MON2: variants seen among roughly 807,000 people sequenced by gnomAD.
MON2 encodes the protein MON2 regulator of endosome-to-Golgi trafficking.
A neutral mutation model predicts 208.6 loss-of-function variants in MON2; 84 were observed. The observed-to-expected ratio is 0.40, with a 90% CI of 0.34 to 0.48. MON2 has a LOEUF of 0.48. Among genes scored for constraint, MON2 ranks in the 20% least tolerant of loss-of-function variants. The probability of loss-of-function intolerance (pLI) is 0.59; values close to 1 mark genes in which losing one functional copy is unlikely to be tolerated. For synonymous variants in MON2, 660 were observed against 694.0 expected (o/e 0.95, Z 0.77); for missense variants, 1,611 against 2,015.4 (o/e 0.80, Z 3.84).
At chr12:62,479,911 AT>A (rs1226925218) in intron 1 of MON2, among the ~76,000 whole-genome samples, 7 of 152,082 alleles carry the variant, frequency 4.6e-5, no homozygotes, top group South Asian at 2.1e-4. Context: ...GAAGCTAACA[AT>A]TTTTTTTCAC....
chr12:62,535,543 T>C lies in MON2; in HGVS notation c.1734T>C (p.Thr578=). 6.2e-7 allele frequency: 1 copy of C among 1,607,106 alleles called. No homozygotes were observed. The highest frequency in any genetic ancestry group is 8.5e-7 in the Non-Finnish European group (1 of 1,177,808). ...TTTTCAGCACAGATGAAGCTGCCAC[T>C]GAGAATATTTTAAAAGCTGAACTGA... ...LLDASTDEAA[T]ENILKAELTM... Residue 578 remains threonine, a synonymous_variant, in exon 14 of 35, where the codon ACT becomes ACC. Coordinates refer to ENST00000393630, the MANE Select transcript of MON2 (RefSeq NM_015026.3).
chr12:62,524,506 T>C lies in MON2; in HGVS notation c.985-9T>C. On this transcript the variant is annotated splice_polypyrimidine_tract_variant and intron_variant, in intron 8 of 34. Coordinates refer to ENST00000393630, the MANE Select transcript of MON2 (RefSeq NM_015026.3). ...CAAAGAAATAGTATTAAAAATCATATATTTTTAGGTAACTGAATGTGAGAT... is the reference window on the plus strand; with the variant it reads ...CAAAGAAATAGTATTAAAAATCATACATTTTTAGGTAACTGAATGTGAGAT... 4 of 1,592,968 alleles carry C rather than the reference T, an allele frequency of 2.5e-6. No homozygotes were observed. The highest frequency in any genetic ancestry group is 3.4e-6 in the Non-Finnish European group (4 of 1,161,894).
chr12:62,580,287 T>C lies in MON2; in HGVS notation c.4576-10T>C. The stretch of plus-strand genomic sequence containing the variant: ...AAACAATACATTTGCATTTGCCTCT[T>C]TTGTTTTAGGTAGTTCAACTTATCA... On this transcript the variant is annotated splice_polypyrimidine_tract_variant and intron_variant, in intron 31 of 34. Coordinates refer to ENST00000393630, the MANE Select transcript of MON2 (RefSeq NM_015026.3). 1 of 1,604,504 alleles carries C rather than the reference T, an allele frequency of 6.2e-7. No individual in the cohort carries two copies. Among genetic ancestry groups the C allele is most frequent in the South Asian group, 1.1e-5 (1 of 88,778 alleles).
intron 34 of MON2, among the ~76,000 whole-genome samples, chr12:62,589,790 A>G (rs1415250768): frequency 6.6e-6 from 1 of 151,898 alleles, no homozygotes; most frequent in Middle Eastern, 3.2e-3. Context: ...ATAAAGGGAG[A>G]AAAGGAAGCA....
In MON2 at chr12:62,549,697, G is replaced by A; in HGVS notation, c.2783G>A (p.Cys928Tyr). The A allele has an allele frequency of 6.2e-7, 1 of 1,609,866 alleles. No individual in the cohort carries two copies. The highest frequency in any genetic ancestry group is 8.5e-7 in the Non-Finnish European group (1 of 1,178,700). The change falls in exon 23 of 35, where the codon TGT becomes TAT. Residue 928 changes from cysteine to tyrosine, a missense_variant. Physicochemically the swap from Cys to Tyr is radical, Grantham distance 194 (BLOSUM62 -2). Transcript: ENST00000393630. ...GESLIRTAFQ[C>Y]LQLVVTDFLP... Reference sequence around the variant, plus strand: ...TCCTTGATACGAACTGCATTCCAGTGTCTTCAGTTGGTTGTGACAGATTTT... The same window carrying A: ...TCCTTGATACGAACTGCATTCCAGTATCTTCAGTTGGTTGTGACAGATTTT...
chr12:62,575,663 G>A (rs960385595), intron 30 of MON2, among the ~76,000 whole-genome samples: 2 of 152,158 alleles, frequency 1.3e-5, no homozygotes, highest in African/African-American at 4.8e-5. Context: ...TCTGCAAGAT[G>A]CTTTGGCAAG....
intron 8 of MON2, among the ~76,000 whole-genome samples, chr12:62,512,433 T>G (rs183131581): frequency 3.3e-5 from 5 of 152,244 alleles, no homozygotes; most frequent in Non-Finnish European, 7.4e-5. Flanking sequence ...CCCATGCAAG[T>G]CCGAAATTCA....
intron 30 of MON2, among the ~76,000 whole-genome samples, chr12:62,576,357 T>G (rs923200121): frequency 2.0e-5 from 3 of 151,928 alleles, no homozygotes; most frequent in Non-Finnish European, 4.4e-5. Context: ...CAGATCTTTT[T>G]GGGGGGGTGA....
chr12:62,502,904 C>G (rs1592891764), intron 7 of MON2, among the ~76,000 whole-genome samples: 1 of 152,136 alleles, frequency 6.6e-6, no homozygotes, highest in East Asian at 1.9e-4. Flanking sequence ...TTTTTTAGGC[C>G]AGGATGTGGA....
rs1257140817 is a variant in MON2, at chr12:62,485,974, T to C, written c.175+1741T>C. ...GCCTCGGCCTCTCCAAGTGTTGGGATTACAGGCGTGAGCCACTGCGCCCGG... is the reference window on the plus strand; with the variant it reads ...GCCTCGGCCTCTCCAAGTGTTGGGACTACAGGCGTGAGCCACTGCGCCCGG... On this transcript the variant is annotated intron_variant, in intron 2 of 34. Coordinates refer to ENST00000393630, the MANE Select transcript of MON2 (RefSeq NM_015026.3). 2.6e-5 allele frequency among the ~76,000 whole-genome samples: 4 copies of C among 152,154 alleles called. No individual in the cohort carries two copies. In the East Asian group the frequency reaches 7.7e-4, roughly 29 times the overall value.
intron 30 of MON2, among the ~76,000 whole-genome samples, chr12:62,573,795 T>C (rs969289469): frequency 1.3e-5 from 2 of 152,134 alleles, no homozygotes; most frequent in African/African-American, 4.8e-5. Flanking sequence ...TCTGAAGTTT[T>C]TTAATATAGA....
At chr12:62,542,416 A>T (rs1375078414) in intron 19 of MON2, among the ~76,000 whole-genome samples, 2 of 152,112 alleles carry the variant, frequency 1.3e-5, no homozygotes, top group Non-Finnish European at 2.9e-5. Flanking sequence ...CACGCCATCC[A>T]CTCAAAAATA....
intron 30 of MON2, among the ~76,000 whole-genome samples, chr12:62,577,170 G>T (rs1394905400): frequency 1.3e-5 from 2 of 152,050 alleles, no homozygotes; most frequent in Non-Finnish European, 2.9e-5. Flanking sequence ...GATATAGTCT[G>T]TGAAGCTGCT....
chr12:62,598,370 G>A lies in MON2; in HGVS notation c.*5621G>A, dbSNP rs940925221. 7.2e-5 allele frequency: 11 copies of A among 152,086 alleles called. No individual in the cohort carries two copies. Among genetic ancestry groups the A allele is most frequent in the South Asian group, 2.1e-4 (1 of 4,830 alleles). 9.4% of individuals were successfully genotyped at this position (152,086 alleles called of 1,614,324 possible). On this transcript the variant is annotated 3_prime_UTR_variant, in exon 35 of 35. Coordinates refer to ENST00000393630, the MANE Select transcript of MON2 (RefSeq NM_015026.3). The stretch of plus-strand genomic sequence containing the variant: ...CAGGGAAGATCTGCTAAACCATGCC[G>A]TTATTTGGAAAATCATTGCAATATA...
chr12:62,564,969 G>A (rs1293170432), intron 26 of MON2: 4 of 303,700 alleles, frequency 1.3e-5, no homozygotes, highest in African/African-American at 2.2e-5. Context: ...GACTGCCTGG[G>A]ACTTCACTTT....
At chr12:62,489,730 C>T (rs1461065971) in intron 2 of MON2, among the ~76,000 whole-genome samples, 3 of 151,990 alleles carry the variant, frequency 2.0e-5, no homozygotes, top group Non-Finnish European at 4.4e-5. Flanking sequence ...CTTCCCTTTC[C>T]TGTAATGTGC....
At chr12:62,476,790 T>C (rs1472485156) in intron 1 of MON2, among the ~76,000 whole-genome samples, 1 of 152,172 alleles carries the variant, frequency 6.6e-6, no homozygotes, top group Non-Finnish European at 1.5e-5. Context: ...AAAAATAATT[T>C]GGACCTTTGG....
Position 62,532,522 on chromosome 12 carries a change from T to C in MON2, c.1485T>C (p.Leu495=), listed in dbSNP as rs1411519451. The C allele has an allele frequency of 3.1e-6, 5 of 1,614,128 alleles. No individual in the cohort carries two copies. Among genetic ancestry groups the C allele is most frequent in the Non-Finnish European group, 4.2e-6 (5 of 1,180,000 alleles). The change falls in exon 12 of 35, where the codon CTT becomes CTC. Residue 495 remains leucine, a synonymous_variant. Coordinates refer to ENST00000393630, the MANE Select transcript of MON2 (RefSeq NM_015026.3). ...MSVAFHCLLD[L]VRGITSMIEG... ...TGGCATTCCATTGTTTGCTAGACCT[T>C]GTTCGTGGAATCACAAGTATGATTG...
intron 8 of MON2, among the ~76,000 whole-genome samples, chr12:62,522,684 A>G (rs1330722209): frequency 5.9e-5 from 9 of 152,206 alleles, no homozygotes; most frequent in African/African-American, 1.7e-4. Context: ...CTGTTTCCTT[A>G]TAAGTGCAGC....
Sources: allele counts gnomAD v4.1 joint callset (sites outside exome capture counted in the v4.1 genomes callset), GRCh38; gene constraint gnomAD v4.1.1; transcripts MANE v1.5; gene names NCBI Gene and HGNC (gene_info 2026-07-23, HGNC 2026-07-21).